Variants in TMEM132B observed in about 807,000 individuals in gnomAD.
TMEM132B encodes transmembrane protein 132B.
A neutral mutation model predicts 90.8 loss-of-function variants in TMEM132B; 18 were observed. The ratio of observed to expected loss-of-function variants is 0.20; its 90% confidence interval spans 0.14 to 0.29. The LOEUF is 0.29. Ranked by LOEUF, TMEM132B falls within the 10% of genes least tolerant of loss-of-function variation. The pLI, the probability that TMEM132B is intolerant of heterozygous loss-of-function variation, is 1.00. For missense variants in TMEM132B, 1,096 were observed against 1,326.8 expected (o/e 0.83, Z 2.70); for synonymous variants, 504 against 523.3 (o/e 0.96, Z 0.50).
intron 1 of TMEM132B, among the ~76,000 whole-genome samples, chr12:125,276,785 C>T (rs566311699): frequency 2.0e-5 from 3 of 152,236 alleles, no homozygotes; most frequent in East Asian, 1.9e-4. Flanking sequence ...CAACTGTCAG[C>T]GCCGGTGAAG....
At chr12:125,478,930 A>G (rs1340529657) in intron 3 of TMEM132B, among the ~76,000 whole-genome samples, 1 of 152,236 alleles carries the variant, frequency 6.6e-6, no homozygotes, top group African/African-American at 2.4e-5. Context: ...AAACCCTACA[A>G]GCCAGAAGAG....
At chr12:125,240,304 C>T (rs2136091663) in intron 1 of TMEM132B, among the ~76,000 whole-genome samples, 1 of 152,260 alleles carries the variant, frequency 6.6e-6, no homozygotes, top group East Asian at 1.9e-4. Context: ...CTGTCATTTC[C>T]ATGGCATCCG....
rs757921642 is a variant in TMEM132B, at chr12:125,653,931, C to T, written c.2473C>T (p.Arg825Cys). 1.6e-5 allele frequency: 26 copies of T among 1,614,080 alleles called. No homozygotes were observed. The highest frequency in any genetic ancestry group is 1.6e-4 in the Middle Eastern group (1 of 6,062). ...YKDHLSNSIE[R>C]EGNQERAVQE... ...AGACCACCTCAGTAATTCCATAGAG[C>T]GCGAAGGAAACCAGGAGAGAGCAGT... The change falls in exon 9 of 9, where the codon CGC (arginine) becomes TGC (cysteine). Residue 825 changes from arginine (R) to cysteine (C), a missense_variant. By Grantham distance (180) the Arg-to-Cys change is radical. Transcript: ENST00000682704.
intron 1 of TMEM132B, among the ~76,000 whole-genome samples, chr12:125,315,230 G>T (rs1013632506): frequency 6.6e-6 from 1 of 152,216 alleles, no homozygotes; most frequent in Non-Finnish European, 1.5e-5. Context: ...ACAGGGTCTC[G>T]CTCTGTCACT....
At chr12:125,526,419 C>T (rs1883464261) in intron 4 of TMEM132B, among the ~76,000 whole-genome samples, 1 of 152,194 alleles carries the variant, frequency 6.6e-6, no homozygotes, top group South Asian at 2.1e-4. Flanking sequence ...CCTTCCTTCC[C>T]ATTGGTTAAA....
At chr12:125,465,667 A>G (rs80086767) in intron 3 of TMEM132B, among the ~76,000 whole-genome samples, 1 of 152,354 alleles carries the variant, frequency 6.6e-6, no homozygotes, top group African/African-American at 2.4e-5. Flanking sequence ...TCCAGTGGAC[A>G]CAATCTTACA....
intron 2 of TMEM132B, among the ~76,000 whole-genome samples, chr12:125,357,638 CGG>C (rs200357550): frequency 0.012 from 1,891 of 152,276 alleles, 44 homozygotes; most frequent in African/African-American, 0.042. Flanking sequence ...TGCCGAAGAC[CGG>C]GGACCTGTGG....
At position 125,209,644 on chromosome 12, in the gene TMEM132B, C is replaced by T. The variant is rs547668437; in HGVS notation, c.67+22778C>T. On this transcript the variant is annotated intron_variant, in intron 1 of 8. Transcript: ENST00000682704. This position sits in a 1 kb window ranked among gnomAD's most constrained non-coding sequence, Gnocchi z 4.4. ...ACCGGCCATTGGCCCAGATCACAGG[C>T]ACCTCTTTGGCAGATGTGGAGTCTG... Among the ~76,000 whole-genome samples the T allele has an allele frequency of 2.0e-5, 3 of 152,368 alleles. No individual in the cohort carries two copies. The East Asian group carries it at 5.8e-4, about 29-fold the overall frequency.
At chr12:125,479,803 A>T (rs1295907288) in intron 3 of TMEM132B, among the ~76,000 whole-genome samples, 1 of 152,242 alleles carries the variant, frequency 6.6e-6, no homozygotes, top group Non-Finnish European at 1.5e-5. Flanking sequence ...AACAGAATAT[A>T]CATTCTTCTC....
chr12:125,572,028 G>A (rs758559855), intron 4 of TMEM132B, among the ~76,000 whole-genome samples: 1 of 152,048 alleles, frequency 6.6e-6, no homozygotes, highest in African/African-American at 2.4e-5. Context: ...TGTCTTTTAG[G>A]CTGTGACATA....
intron 1 of TMEM132B, among the ~76,000 whole-genome samples, chr12:125,267,721 G>A (rs1288401546): frequency 2.6e-5 from 4 of 152,126 alleles, no homozygotes; most frequent in Non-Finnish European, 5.9e-5. Flanking sequence ...GGGGGGCAGT[G>A]GCTCCTAATC....
At chr12:125,274,809 G>T (rs1047389363) in intron 1 of TMEM132B, among the ~76,000 whole-genome samples, 1 of 152,118 alleles carries the variant, frequency 6.6e-6, no homozygotes, top group Non-Finnish European at 1.5e-5. Flanking sequence ...AATGCCCACG[G>T]CCTCTCATTC....
At chr12:125,288,238 G>A (rs1212769056) in intron 1 of TMEM132B, among the ~76,000 whole-genome samples, 2 of 150,564 alleles carry the variant, frequency 1.3e-5, no homozygotes, top group East Asian at 2.0e-4. Flanking sequence ...GCTGAGGTGG[G>A]CGGATCATGA....
intron 1 of TMEM132B, among the ~76,000 whole-genome samples, chr12:125,222,111 G>T (rs1457229989): frequency 1.3e-5 from 2 of 152,180 alleles, no homozygotes; most frequent in East Asian, 3.8e-4. Context: ...AAGTATTTCA[G>T]GAAGAAGGTG....
chr12:125,419,703 T>C lies in TMEM132B; in HGVS notation c.1106+4026T>C, dbSNP rs1880119027. 2.0e-5 allele frequency among the ~76,000 whole-genome samples: 3 copies of C among 152,052 alleles called. No homozygotes were observed. In the South Asian group the frequency reaches 6.2e-4, roughly 32 times the overall value. Reference sequence around the variant, plus strand: ...ATGCCTCCCCAACAATCCCCCAAAGTCTTAACTCACTTCAGCATTAACTCA... The same window carrying C: ...ATGCCTCCCCAACAATCCCCCAAAGCCTTAACTCACTTCAGCATTAACTCA... On this transcript the variant is annotated intron_variant, in intron 3 of 8. Transcript: ENST00000682704.
At chr12:125,240,986 C>T (rs987309051) in intron 1 of TMEM132B, among the ~76,000 whole-genome samples, 12 of 152,244 alleles carry the variant, frequency 7.9e-5, no homozygotes, top group Middle Eastern at 3.4e-3. Context: ...AGTGAGTGAA[C>T]GGTGGTGGGC....
At chr12:125,473,853 G>T (rs954015615) in intron 3 of TMEM132B, among the ~76,000 whole-genome samples, 3 of 152,034 alleles carry the variant, frequency 2.0e-5, no homozygotes, top group African/African-American at 7.2e-5. Context: ...TTCCCTAAAA[G>T]ATTTCTTTGC....
chr12:125,609,894 T>C (rs970131081), intron 5 of TMEM132B, among the ~76,000 whole-genome samples: 4 of 151,006 alleles, frequency 2.6e-5, no homozygotes, highest in African/African-American at 4.9e-5. Context: ...TTTCATTTGC[T>C]TATGTATTCT....
intron 4 of TMEM132B, among the ~76,000 whole-genome samples, chr12:125,543,624 A>G (rs1032772826): frequency 2.6e-5 from 4 of 152,210 alleles, no homozygotes; most frequent in African/African-American, 9.6e-5. Context: ...CATTTATTAA[A>G]TAGGGAATCC....
Sources: gnomAD v4.1 joint callset for allele counts (sites outside exome capture counted in the v4.1 genomes callset) on GRCh38, gnomAD v4.1.1 for gene constraint, Gnocchi (gnomAD v3.1) non-coding constraint, MANE v1.5 for transcripts, NCBI Gene and HGNC (gene_info 2026-07-23, HGNC 2026-07-21) for gene names.